The following SLFNL1 variants were observed in gnomAD, a reference collection of about 807,000 sequenced individuals.
SLFNL1 encodes the protein schlafen like 1, also known as schlafen-like protein 1.
In SLFNL1, 26 loss-of-function variants were observed where a neutral mutation model predicts 32.5. That is an observed-to-expected ratio of 0.80 (90% CI 0.59 to 1.11). The LOEUF (loss-of-function observed/expected upper bound fraction) is 1.11. SLFNL1 is among the 50% of genes least tolerant of loss of function. The probability of loss-of-function intolerance (pLI) is 0.00; values close to 1 mark genes in which losing one functional copy is unlikely to be tolerated. For missense variants in SLFNL1, 553 were observed against 546.5 expected (o/e 1.01, Z -0.12); for synonymous variants, 255 against 242.2 (o/e 1.05, Z -0.49).
At position 41,016,016 on chromosome 1, in the gene SLFNL1, G is replaced by A; in HGVS notation, c.*90C>T. Reference sequence around the variant, plus strand: ...CTGTCCGCCTCTCAGCAGCCCGCATGGGCTTTACTGGTTGGCCTTACACTC... The same window carrying A: ...CTGTCCGCCTCTCAGCAGCCCGCATAGGCTTTACTGGTTGGCCTTACACTC... On this transcript the variant is annotated 3_prime_UTR_variant, in exon 6 of 6. Coordinates refer to ENST00000302946, the MANE Select transcript of SLFNL1 (RefSeq NM_144990.4). The A allele has an allele frequency of 6.7e-6, 10 of 1,502,798 alleles. No homozygotes were observed. The highest frequency in any genetic ancestry group is 8.0e-6 in the Non-Finnish European group (9 of 1,120,104). The allele number at this position is 1,502,798 out of a possible 1,614,324, so 93.1% of individuals were successfully genotyped here.
At position 41,020,656 on chromosome 1, in the gene SLFNL1, G is replaced by C. The variant is rs776493981; in HGVS notation, c.5C>G (p.Thr2Ser). 15 of 1,603,620 alleles carry C rather than the reference G, an allele frequency of 9.4e-6. No homozygotes were observed. Among genetic ancestry groups the C allele is most frequent in the Non-Finnish European group, 1.2e-5 (14 of 1,172,438 alleles). The change falls in exon 3 of 6, where the codon ACC becomes AGC. Residue 2 changes from threonine to serine, a missense_variant. By Grantham distance (58) the Thr-to-Ser change is moderately conservative. Transcript: ENST00000302946. M[T>S]PMKRSVQTQV... ...TGTTTGCACTGATCTCTTCATGGGG[G>C]TCATGGGAAGGCTCTCCCTGGGAAG...
chr1:41,016,209 C>G lies in SLFNL1; in HGVS notation c.1121G>C (p.Gly374Ala). 6.2e-7 allele frequency: 1 copy of G among 1,614,142 alleles called. No homozygotes were observed. Among genetic ancestry groups the G allele is most frequent in the Middle Eastern group, 1.6e-4 (1 of 6,062 alleles). The change falls in exon 6 of 6, where the codon GGC becomes GCC. Residue 374 changes from glycine to alanine, a missense_variant. Gly to Ala is a moderately conservative substitution (Grantham distance 60, BLOSUM62 0). Coordinates refer to ENST00000302946, the MANE Select transcript of SLFNL1 (RefSeq NM_144990.4). ...CGCCTTCATCTTCTCTTCCAGCTTGCCCAGCTCCACCAGCCACCTCTGAGG... is the reference window on the plus strand; with the variant it reads ...CGCCTTCATCTTCTCTTCCAGCTTGGCCAGCTCCACCAGCCACCTCTGAGG... ...WCRQRWLVEL[G>A]KLEEKMKALM...
At chr1:41,018,828 G>GTTTTTTTT (rs34061852) in intron 3 of SLFNL1, among the ~76,000 whole-genome samples, 2 of 60,650 alleles carry the variant, frequency 3.3e-5, no homozygotes, top group Non-Finnish European at 2.9e-5. Flanking sequence ...CAACCCTCCT[G>GTTTTTTTT]TTTTTTTTTT....
In SLFNL1 at chr1:41,016,212, A is replaced by G. The variant is rs768402041; in HGVS notation, c.1118T>C (p.Leu373Pro). 74 of 1,613,772 alleles carry G rather than the reference A, an allele frequency of 4.6e-5. No homozygotes were observed. The highest frequency in any genetic ancestry group is 5.8e-5 in the Non-Finnish European group (69 of 1,179,976). ...CTTCATCTTCTCTTCCAGCTTGCCCAGCTCCACCAGCCACCTCTGAGGGGA... is the reference window on the plus strand; with the variant it reads ...CTTCATCTTCTCTTCCAGCTTGCCCGGCTCCACCAGCCACCTCTGAGGGGA... ...EWCRQRWLVELGKLEEKMKAL... is the reference protein window; with the variant it reads ...EWCRQRWLVEPGKLEEKMKAL... The change falls in exon 6 of 6, where the codon CTG becomes CCG. Residue 373 changes from leucine to proline, a missense_variant. By Grantham distance (98) the Leu-to-Pro change is moderately conservative (BLOSUM62 -3). Coordinates refer to ENST00000302946, the MANE Select transcript of SLFNL1 (RefSeq NM_144990.4).
In SLFNL1 at chr1:41,015,652, AGGG is replaced by A. The variant is rs1643277620; in HGVS notation, c.*451_*453del. ...TGACAGTCACAAGTTCCAGCAAGTC[AGGG>A]GTGGGGGCTGCAGGGTGGCCTCTTG... On this transcript the variant is annotated 3_prime_UTR_variant, in exon 6 of 6. Transcript: ENST00000302946. 6.5e-6 allele frequency: 1 copy of A among 153,206 alleles called. No homozygotes were observed. Among genetic ancestry groups the A allele is most frequent in the East Asian group, 1.9e-4 (1 of 5,228 alleles). 9.5% of individuals were successfully genotyped at this position (153,206 alleles called of 1,614,324 possible).
rs772503689 is a variant in SLFNL1, at chr1:41,016,030, G to A, written c.*76C>T. 9.8e-6 allele frequency: 15 copies of A among 1,536,374 alleles called. No homozygotes were observed. The highest frequency in any genetic ancestry group is 1.3e-5 in the Non-Finnish European group (15 of 1,138,574). On this transcript the variant is annotated 3_prime_UTR_variant, in exon 6 of 6. Transcript: ENST00000302946. The stretch of plus-strand genomic sequence containing the variant: ...GCAGCCCGCATGGGCTTTACTGGTT[G>A]GCCTTACACTCAAACAGGAAATCCC...
Position 41,017,274 on chromosome 1 carries a change from C to T in SLFNL1, c.1061G>A (p.Gly354Asp), listed in dbSNP as rs748728874. 1 of 1,606,650 alleles carries T rather than the reference C, an allele frequency of 6.2e-7. No individual in the cohort carries two copies. The highest frequency in any genetic ancestry group is 1.1e-5 in the South Asian group (1 of 89,932). The change falls in exon 5 of 6, where the codon GGC becomes GAC. Residue 354 changes from glycine (G) to aspartate (D), a missense_variant. By Grantham distance (94) the Gly-to-Asp change is moderately conservative. Transcript: ENST00000302946. The surrounding 1 kb of genome is among the most constrained non-coding windows in gnomAD (Gnocchi z 4.9). ...VFLRRDGSIQ[G>D]PLSASAIQEW... Reference sequence around the variant, plus strand: ...CTGGATGGCGCTGGCAGACAGCGGGCCCTGGATGCTCCCGTCGCGCCGCAG... The same window carrying T: ...CTGGATGGCGCTGGCAGACAGCGGGTCCTGGATGCTCCCGTCGCGCCGCAG...
At chr1:41,016,809 G>A (rs55645559) in intron 5 of SLFNL1, 2,032 of 156,662 alleles carry the variant, frequency 0.013, 46 homozygotes, top group African/African-American at 0.047. Context: ...TCCCAGATTC[G>A]ATCGATTCTC....
intron 3 of SLFNL1, among the ~76,000 whole-genome samples, chr1:41,018,988 C>T (rs570257168): frequency 2.6e-5 from 4 of 151,984 alleles, no homozygotes; most frequent in Non-Finnish European, 4.4e-5. Context: ...TACAGGGGCC[C>T]GCCACCACGC....
Position 41,017,771 on chromosome 1 carries a change from C to T in SLFNL1, c.821G>A (p.Ser274Asn), listed in dbSNP as rs770879895. The T allele has an allele frequency of 2.5e-6, 4 of 1,607,410 alleles. No homozygotes were observed. Among genetic ancestry groups the T allele is most frequent in the South Asian group, 1.1e-5 (1 of 90,462 alleles). Residue 274 changes from serine (S) to asparagine (N), a missense_variant, in exon 4 of 6, where the codon AGC (serine) becomes AAC (asparagine). Ser to Asn is a conservative substitution (Grantham distance 46). Coordinates refer to ENST00000302946, the MANE Select transcript of SLFNL1 (RefSeq NM_144990.4). This position sits in a 1 kb window ranked among gnomAD's most constrained non-coding sequence, Gnocchi z 4.9. ...GCGTGCGCGGTCCTCGTCACGGTGGCTGCAGCGGATGCCCTGCACCAGGCC... is the reference window on the plus strand; with the variant it reads ...GCGTGCGCGGTCCTCGTCACGGTGGTTGCAGCGGATGCCCTGCACCAGGCC... ...DSGLVQGIRC[S>N]HRDEDRARLL...
chr1:41,016,315 AG>A (rs1643320038), intron 5 of SLFNL1, 87 bp from the exon 6 acceptor site: 3 of 1,548,728 alleles, frequency 1.9e-6, no homozygotes, highest in Admixed American at 3.8e-5. Context: ...TGAGGGAGGA[AG>A]GCAAAGCCCA....
rs773424950 is a variant in SLFNL1 at position 41,020,609 on chromosome 1, C to A, written c.52G>T (p.Glu18Ter). ...VQTQVSEPFM[E>*]SWGEESLPEL... The stretch of plus-strand genomic sequence containing the variant: ...GGCAGGGACTCCTCACCCCAGGACT[C>A]CATGAAGGGCTCTGACACCTGTGTT... The change falls in exon 3 of 6, where the codon GAG (glutamate) becomes TAG (stop). Residue 18 changes from glutamate to a stop codon, truncating the protein, a stop_gained. Transcript: ENST00000302946. LOFTEE classifies it high-confidence loss of function. The A allele has an allele frequency of 6.2e-7, 1 of 1,613,404 alleles. No homozygotes were observed. The highest frequency in any genetic ancestry group is 1.1e-5 in the South Asian group (1 of 91,080).
chr1:41,017,853 C>G lies in SLFNL1; in HGVS notation c.739G>C (p.Val247Leu). 1 of 1,603,536 alleles carries G rather than the reference C, an allele frequency of 6.2e-7. No homozygotes were observed. The highest frequency in any genetic ancestry group is 8.5e-7 in the Non-Finnish European group (1 of 1,172,420). The change falls in exon 4 of 6, where the codon GTG becomes CTG. Residue 247 changes from valine to leucine, a missense_variant. By Grantham distance (32) the Val-to-Leu change is conservative. Transcript: ENST00000302946. The surrounding 1 kb of genome is among the most constrained non-coding windows in gnomAD (Gnocchi z 4.9). ...LAFKHHVRRYVCAFLNSEGGS... is the reference protein window; with the variant it reads ...LAFKHHVRRYLCAFLNSEGGS... ...CCCTCGCTGTTGAGGAAGGCGCACA[C>G]GTAGCGCCGCACGTGGTGCTTGAAG...
In SLFNL1 at chr1:41,020,716, C is replaced by A; in HGVS notation, c.-56G>T. The A allele has an allele frequency of 6.5e-7, 1 of 1,535,842 alleles. No homozygotes were observed. Among genetic ancestry groups the A allele is most frequent in the South Asian group, 1.2e-5 (1 of 83,136 alleles). ...GATTCCTCACTGCTGGCTGCTTCTC[C>A]CAGGGTCTGTGTTCTCAGTGTGGCT... is the stretch of plus-strand genomic sequence containing the variant. On this transcript the variant is annotated 5_prime_UTR_variant, in exon 3 of 6. Transcript: ENST00000302946.
chr1:41,020,535 C>T lies in SLFNL1; in HGVS notation c.126G>A (p.Glu42=). 2.5e-6 allele frequency: 4 copies of T among 1,613,556 alleles called. No individual in the cohort carries two copies. Among genetic ancestry groups the T allele is most frequent in the South Asian group, 1.1e-5 (1 of 91,082 alleles). Residue 42 remains glutamate (E), a synonymous_variant, in exon 3 of 6, where the codon GAG becomes GAA. Coordinates refer to ENST00000302946, the MANE Select transcript of SLFNL1 (RefSeq NM_144990.4). The part of the protein sequence containing the change: ...QSLTEYSDLE[E]APSAHTLYVG... Reference sequence around the variant, plus strand: ...CATAGAGAGTGTGCGCCGAGGGAGCCTCCTCGAGGTCAGAGTACTCCGTCA... The same window carrying T: ...CATAGAGAGTGTGCGCCGAGGGAGCTTCCTCGAGGTCAGAGTACTCCGTCA...
In SLFNL1 at chr1:41,017,973, C is replaced by G; in HGVS notation, c.619G>C (p.Val207Leu). Residue 207 changes from valine (V) to leucine (L), a missense_variant, in exon 4 of 6, where the codon GTG (valine) becomes CTG (leucine). Physicochemically the swap from Val to Leu is conservative, Grantham distance 32. Transcript: ENST00000302946. The surrounding 1 kb of genome is among the most constrained non-coding windows in gnomAD (Gnocchi z 4.9). ...SDSAIVHQQIVGKDQLFQGAF... is the reference protein window; with the variant it reads ...SDSAIVHQQILGKDQLFQGAF... ...CCCTGGAAGAGCTGGTCCTTGCCCA[C>G]GATCTGCTGGTGCACAATGGCACTG... The G allele has an allele frequency of 6.2e-7, 1 of 1,610,784 alleles. No homozygotes were observed. Among genetic ancestry groups the G allele is most frequent in the East Asian group, 2.2e-5 (1 of 44,774 alleles).
Position 41,017,520 on chromosome 1 carries a change from C to T in SLFNL1, c.957+115G>A. 2 of 1,490,604 alleles carry T rather than the reference C, an allele frequency of 1.3e-6. No individual in the cohort carries two copies. The highest frequency in any genetic ancestry group is 2.3e-5 in the East Asian group (1 of 43,754). The allele number at this position is 1,490,604 out of a possible 1,614,324, so 92.3% of individuals were successfully genotyped here. Reference sequence around the variant, plus strand: ...CAGGGGCCATCCCCAGCCTCTTCTCCTGTGGCCCCCAGTCCCGTCCCTGCC... The same window carrying T: ...CAGGGGCCATCCCCAGCCTCTTCTCTTGTGGCCCCCAGTCCCGTCCCTGCC... On this transcript the variant is annotated intron_variant, in intron 4 of 5. Transcript: ENST00000302946. The surrounding 1 kb of genome is among the most constrained non-coding windows in gnomAD (Gnocchi z 4.9).
Position 41,017,260 on chromosome 1 carries a change from T to C in SLFNL1, c.1075A>G (p.Ser359Gly), listed in dbSNP as rs1017511432. Reference protein sequence around the residue: ...DGSIQGPLSASAIQEWCRQRW... With the variant: ...DGSIQGPLSAGAIQEWCRQRW... ...TGCCTGCACCACTCCTGGATGGCGC[T>C]GGCAGACAGCGGGCCCTGGATGCTC... Residue 359 changes from serine to glycine, a missense_variant, in exon 5 of 6, where the codon AGC becomes GGC. By Grantham distance (56) the Ser-to-Gly change is moderately conservative. Transcript: ENST00000302946. This position sits in a 1 kb window ranked among gnomAD's most constrained non-coding sequence, Gnocchi z 4.9. 2 of 1,598,476 alleles carry C rather than the reference T, an allele frequency of 1.3e-6. No homozygotes were observed. The highest frequency in any genetic ancestry group is 1.7e-6 in the Non-Finnish European group (2 of 1,173,940).
Position 41,020,603 on chromosome 1 carries a change from A to G in SLFNL1, c.58T>C (p.Trp20Arg), listed in dbSNP as rs763844833. 6.6e-5 allele frequency: 106 copies of G among 1,613,298 alleles called. No homozygotes were observed. The highest frequency in any genetic ancestry group is 8.5e-5 in the Non-Finnish European group (100 of 1,180,012). The part of the protein sequence containing the change: ...TQVSEPFMES[W>R]GEESLPELPA... The stretch of plus-strand genomic sequence containing the variant: ...AGCTCCGGCAGGGACTCCTCACCCC[A>G]GGACTCCATGAAGGGCTCTGACACC... Residue 20 changes from tryptophan (W) to arginine (R), a missense_variant, in exon 3 of 6, where the codon TGG becomes CGG. Coordinates refer to ENST00000302946, the MANE Select transcript of SLFNL1 (RefSeq NM_144990.4).
Sources: gnomAD v4.1 joint callset for allele counts (sites outside exome capture counted in the v4.1 genomes callset) on GRCh38, gnomAD v4.1.1 for gene constraint, Gnocchi (gnomAD v3.1) non-coding constraint, MANE v1.5 for transcripts, NCBI Gene and HGNC (gene_info 2026-07-23, HGNC 2026-07-21) for gene names.